Variants in PIP5K1A observed in about 807,000 individuals in gnomAD.
The protein encoded by PIP5K1A is phosphatidylinositol 4-phosphate 5-kinase type-1 alpha.
A neutral mutation model predicts 72.9 loss-of-function variants in PIP5K1A; 46 were observed. The observed-to-expected ratio is 0.63, with a 90% CI of 0.50 to 0.81. The LOEUF (loss-of-function observed/expected upper bound fraction) is 0.81. Among genes scored for constraint, PIP5K1A ranks in the 30% least tolerant of loss-of-function variants. The probability of loss-of-function intolerance (pLI) is 0.00; values close to 1 mark genes in which losing one functional copy is unlikely to be tolerated. For missense variants in PIP5K1A, 458 were observed against 706.1 expected (o/e 0.65, Z 3.98); for synonymous variants, 228 against 255.1 (o/e 0.89, Z 1.01).
chr1:151,195,883 G>GTTTTTT (rs1558218879), upstream of PIP5K1A, among the ~76,000 whole-genome samples: 15 of 50,320 alleles, frequency 3.0e-4, no homozygotes, highest in Non-Finnish European at 4.7e-4. Flanking sequence ...AACACCAGCC[G>GTTTTTT]ATTTTTTTTT....
intron 11 of PIP5K1A, 47 bp downstream of exon 11, chr1:151,239,225 A>G (rs1452245472): frequency 8.3e-7 from 1 of 1,200,948 alleles, no homozygotes; most frequent in South Asian, 1.3e-5. Flanking sequence ...TTCTGCCTCC[A>G]TCACTTCTGA....
intron 4 of PIP5K1A, among the ~76,000 whole-genome samples, 197 bp from the exon 5 acceptor site, chr1:151,231,474 T>C (rs1690061368): frequency 6.6e-6 from 1 of 152,140 alleles, no homozygotes; most frequent in South Asian, 2.1e-4. Flanking sequence ...TCACTGTCCT[T>C]CCAATCTTTA....
intron 9 of PIP5K1A, 56 bp downstream of exon 9, chr1:151,236,819 T>TTG: frequency 2.1e-6 from 2 of 939,168 alleles, no homozygotes; most frequent in East Asian, 2.8e-5. Context: ...CACTTTTCTT[T>TTG]TCTTTTTTTT....
At chr1:151,216,695 A>G (rs1052988680) in intron 1 of PIP5K1A, among the ~76,000 whole-genome samples, 3 of 152,078 alleles carry the variant, frequency 2.0e-5, no homozygotes, top group Non-Finnish European at 4.4e-5. Flanking sequence ...CATAATTCAC[A>G]TTGATAATAA....
At chr1:151,240,193 G>C (rs1691489152) in intron 12 of PIP5K1A, 154 bp downstream of exon 12, 1 of 644,222 alleles carries the variant, frequency 1.6e-6, no homozygotes, top group African/African-American at 1.9e-5. Context: ...TGTCCTTTGT[G>C]TTAGTCTGTC....
intron 1 of PIP5K1A, among the ~76,000 whole-genome samples, chr1:151,209,478 C>G (rs1172240028): frequency 7.0e-6 from 1 of 142,700 alleles, no homozygotes; most frequent in Non-Finnish European, 1.5e-5. Flanking sequence ...TTGCTCTTGT[C>G]GCCCAGGCTG....
intron 14 of PIP5K1A, among the ~76,000 whole-genome samples, chr1:151,244,936 C>CTTT (rs971449862): frequency 4.6e-5 from 6 of 131,112 alleles, no homozygotes; most frequent in Non-Finnish European, 8.3e-5. Flanking sequence ...GCTCAAAAGC[C>CTTT]TTTTTTTTTT....
chr1:151,232,439 C>A, intron 6 of PIP5K1A, 74 bp downstream of exon 6: 1 of 1,491,962 alleles, frequency 6.7e-7, no homozygotes, highest in Non-Finnish European at 9.4e-7. Context: ...CCCTTTTCTC[C>A]ACAGTCTCGC....
chr1:151,221,057 C>T (rs1269177739), intron 1 of PIP5K1A, among the ~76,000 whole-genome samples: 1 of 152,084 alleles, frequency 6.6e-6, no homozygotes, highest in Non-Finnish European at 1.5e-5. Context: ...TTTTTCTAAT[C>T]AACACCCAAA....
chr1:151,203,697 T>C (rs1161238162), intron 1 of PIP5K1A, among the ~76,000 whole-genome samples: 2 of 148,778 alleles, frequency 1.3e-5, no homozygotes, highest in Non-Finnish European at 3.0e-5. Flanking sequence ...GGTGGCACAC[T>C]CCTGTAGTCC....
intron 1 of PIP5K1A, among the ~76,000 whole-genome samples, chr1:151,219,458 G>A (rs1396000013): frequency 1.2e-4 from 18 of 151,830 alleles, no homozygotes; most frequent in East Asian, 3.9e-4. Flanking sequence ...AGGCTGAGGC[G>A]GGCGGGTCAT....
At chr1:151,217,023 G>T (rs1017508769) in intron 1 of PIP5K1A, among the ~76,000 whole-genome samples, 8 of 145,740 alleles carry the variant, frequency 5.5e-5, no homozygotes, top group African/African-American at 2.0e-4. Context: ...AGCAATTCTC[G>T]TGCCTTAGCC....
intron 14 of PIP5K1A, among the ~76,000 whole-genome samples, chr1:151,243,790 A>G (rs1426855462): frequency 6.6e-6 from 1 of 152,184 alleles, no homozygotes; most frequent in African/African-American, 2.4e-5. Context: ...CTACTGATAC[A>G]GAAGATTTTG....
At chr1:151,230,126 C>T (rs1305200548) in intron 4 of PIP5K1A, among the ~76,000 whole-genome samples, 1 of 152,076 alleles carries the variant, frequency 6.6e-6, no homozygotes, top group Non-Finnish European at 1.5e-5. Flanking sequence ...AATTTATTGC[C>T]CATTGAGGAC....
At chr1:151,203,748 C>T (rs587751228) in intron 1 of PIP5K1A, among the ~76,000 whole-genome samples, 1 of 151,372 alleles carries the variant, frequency 6.6e-6, no homozygotes, top group African/African-American at 2.4e-5. Context: ...TGCTGGAACC[C>T]AGGAGGCGCG....
At chr1:151,207,367 A>G (rs1184113037) in intron 1 of PIP5K1A, among the ~76,000 whole-genome samples, 1 of 152,142 alleles carries the variant, frequency 6.6e-6, no homozygotes, top group Non-Finnish European at 1.5e-5. Flanking sequence ...TTTTGTGCCA[A>G]GGGATACATA....
At chr1:151,227,117 T>G (rs1253176029) in intron 3 of PIP5K1A, 1 of 443,512 alleles carries the variant, frequency 2.3e-6, no homozygotes, top group Non-Finnish European at 4.0e-6. Flanking sequence ...TGGAGTTTTC[T>G]TCTGTGATCT....
chr1:151,244,847 T>C (rs912145184), intron 14 of PIP5K1A, among the ~76,000 whole-genome samples: 3 of 152,142 alleles, frequency 2.0e-5, no homozygotes, highest in African/African-American at 4.8e-5. Context: ...TCTGAGGTCT[T>C]AATAAGATGT....
chr1:151,225,132 C>T (rs184983581), intron 3 of PIP5K1A, among the ~76,000 whole-genome samples: 15 of 152,182 alleles, frequency 9.9e-5, no homozygotes, highest in Non-Finnish European at 2.1e-4. Context: ...GCCAGGAGAT[C>T]GAGACAGGCC....
Sources: gnomAD v4.1 joint callset for allele counts (sites outside exome capture counted in the v4.1 genomes callset) on GRCh38, gnomAD v4.1.1 for gene constraint, MANE v1.5 for transcripts, NCBI Gene and HGNC (gene_info 2026-07-23, HGNC 2026-07-21) for gene names.